Variants in UGT1A9 observed in about 807,000 individuals in gnomAD.
UGT1A9 encodes UDP glucuronosyltransferase family 1 member A9, also known as UDP-glucuronosyltransferase 1A9.
A neutral mutation model predicts 45.0 loss-of-function variants in UGT1A9; 35 were observed. The observed-to-expected ratio is 0.78, with a 90% CI of 0.59 to 1.03. The LOEUF (loss-of-function observed/expected upper bound fraction) is 1.03, where lower values mean the gene tolerates loss of function less well. Among genes scored for constraint, UGT1A9 ranks in the 50% least tolerant of loss-of-function variants. The probability of loss-of-function intolerance (pLI) is 0.00; values close to 1 mark genes in which losing one functional copy is unlikely to be tolerated. For missense variants in UGT1A9, 687 were observed against 666.6 expected (o/e 1.03, Z -0.34); for synonymous variants, 278 against 250.6 (o/e 1.11, Z -1.03).
At chr2:233,760,396 G>A (rs1697431780) in intron 1 of UGT1A9, 1 of 1,614,010 alleles carries the variant, frequency 6.2e-7, no homozygotes, top group African/African-American at 1.3e-5. Flanking sequence ...CCCAGTGGAT[G>A]GCAGCCACTG....
chr2:233,752,969 A>G (rs553949581), intron 1 of UGT1A9, among the ~76,000 whole-genome samples: 2 of 152,310 alleles, frequency 1.3e-5, no homozygotes, highest in Non-Finnish European at 2.9e-5. Context: ...TATGTAACCA[A>G]TTGTGTAGAT....
chr2:233,680,195 C>G (rs2074477959), intron 1 of UGT1A9, among the ~76,000 whole-genome samples: 1 of 152,094 alleles, frequency 6.6e-6, no homozygotes, highest in African/African-American at 2.4e-5. Context: ...CTTGCAGCAT[C>G]ATTAGTTGCA....
chr2:233,718,917 G>A (rs754582990), intron 1 of UGT1A9: 1 of 1,614,108 alleles, frequency 6.2e-7, no homozygotes. Flanking sequence ...AAAGGTGTTG[G>A]TGGTGCCCAC....
chr2:233,772,219 A>T, intron 4 of UGT1A9, 43 bp from the exon 5 acceptor site: 6 of 1,612,704 alleles, frequency 3.7e-6, no homozygotes, highest in Non-Finnish European at 5.1e-6. Context: ...GATTGTTCAT[A>T]CCACAGGTGT....
intron 1 of UGT1A9, chr2:233,713,284 A>T: frequency 6.2e-7 from 1 of 1,614,270 alleles, no homozygotes; most frequent in Non-Finnish European, 8.5e-7. Context: ...GGTCACACTC[A>T]ATCGTTCTTT....
At chr2:233,729,281 A>G (rs2077829135) in intron 1 of UGT1A9, 2 of 1,614,144 alleles carry the variant, frequency 1.2e-6, no homozygotes. Context: ...CGGGAGCTCC[A>G]TGCCAGAGGC....
intron 1 of UGT1A9, among the ~76,000 whole-genome samples, chr2:233,723,516 C>CT (rs1162916866): frequency 0.039 from 3,331 of 85,338 alleles, 215 homozygotes; most frequent in African/African-American, 0.13. Flanking sequence ...GGTCAACAAT[C>CT]TTTTTTTTTT....
chr2:233,693,908 G>A (rs1417524727), intron 1 of UGT1A9: 7 of 1,612,836 alleles, frequency 4.3e-6, no homozygotes, highest in Middle Eastern at 1.7e-4. Flanking sequence ...TTTCTTCCAG[G>A]CTCTGTCCTC....
At chr2:233,770,661 TAAAAA>T (rs112650156) in intron 4 of UGT1A9, 1 of 137,296 alleles carries the variant, frequency 7.3e-6, no homozygotes, top group Non-Finnish European at 1.6e-5. Flanking sequence ...CCGTCTTACT[TAAAAA>T]AAAAAAAAAG....
chr2:233,745,268 C>T (rs755257414), intron 1 of UGT1A9, among the ~76,000 whole-genome samples: 3 of 151,698 alleles, frequency 2.0e-5, no homozygotes, highest in Non-Finnish European at 4.4e-5. Context: ...ACTTGCAGGC[C>T]GTGTGTATAG....
At chr2:233,709,173 C>G (rs571228919) in intron 1 of UGT1A9, among the ~76,000 whole-genome samples, 2 of 152,222 alleles carry the variant, frequency 1.3e-5, no homozygotes, top group South Asian at 4.2e-4. Context: ...GTCACATGTT[C>G]TATCCTGAGC....
chr2:233,729,623 C>G (rs142986334), intron 1 of UGT1A9: 41 of 1,613,794 alleles, frequency 2.5e-5, no homozygotes, highest in Admixed American at 2.3e-4. Flanking sequence ...AAGTACCTGT[C>G]GATTCCTACT....
chr2:233,735,465 A>C (rs1036180168), intron 1 of UGT1A9, among the ~76,000 whole-genome samples: 1 of 151,962 alleles, frequency 6.6e-6, no homozygotes, highest in Admixed American at 6.6e-5. Context: ...TCTTTATCCA[A>C]TTTGCCAGTC....
At chr2:233,757,414 C>T (rs1409954571) in intron 1 of UGT1A9, among the ~76,000 whole-genome samples, 3 of 151,192 alleles carry the variant, frequency 2.0e-5, no homozygotes, top group East Asian at 2.0e-4. Context: ...GGGTCTAGAA[C>T]GAAAAGAGAA....
At chr2:233,727,726 T>C (rs1372996162) in intron 1 of UGT1A9, among the ~76,000 whole-genome samples, 1 of 152,208 alleles carries the variant, frequency 6.6e-6, no homozygotes, top group Admixed American at 6.5e-5. Flanking sequence ...CAGACCTTCC[T>C]TTTCTGTGCC....
intron 1 of UGT1A9, among the ~76,000 whole-genome samples, chr2:233,698,757 T>C (rs555801877): frequency 6.6e-6 from 1 of 152,354 alleles, no homozygotes; most frequent in South Asian, 2.1e-4. Context: ...AATGCTATGA[T>C]TCAGAAAGAA....
intron 1 of UGT1A9, chr2:233,693,441 C>A: frequency 6.2e-7 from 1 of 1,614,144 alleles, no homozygotes; most frequent in Non-Finnish European, 8.5e-7. Context: ...AAGTTTGATG[C>A]TCTTTTCACA....
intron 1 of UGT1A9, among the ~76,000 whole-genome samples, chr2:233,761,693 AG>A (rs1697839049): frequency 6.6e-6 from 1 of 152,260 alleles, no homozygotes; most frequent in African/African-American, 2.4e-5. Flanking sequence ...TGATACAGAA[AG>A]GTTGTAGGTT....
At chr2:233,697,433 C>A (rs1039181362) in intron 1 of UGT1A9, among the ~76,000 whole-genome samples, 9 of 150,656 alleles carry the variant, frequency 6.0e-5, no homozygotes, top group African/African-American at 2.2e-4. Flanking sequence ...TTTCCTTTTT[C>A]ATTTCTGATT....
Sources: gnomAD v4.1 joint callset for allele counts (sites outside exome capture counted in the v4.1 genomes callset) on GRCh38, gnomAD v4.1.1 for gene constraint, MANE v1.5 for transcripts, NCBI Gene and HGNC (gene_info 2026-07-23, HGNC 2026-07-21) for gene names.